AFF1: variants seen among roughly 807,000 people sequenced by gnomAD.
AFF1 encodes the protein AF4/FMR2 family member 1.
Under a neutral mutation model 121.7 loss-of-function variants are expected in AFF1, and 48 were observed. That is an observed-to-expected ratio of 0.39 (90% CI 0.31 to 0.50). The LOEUF (loss-of-function observed/expected upper bound fraction) is 0.50, where lower values mean the gene tolerates loss of function less well. Among genes scored for constraint, AFF1 ranks in the 20% least tolerant of loss-of-function variants. The pLI, the probability that AFF1 is intolerant of heterozygous loss-of-function variation, is 0.76. For synonymous variants in AFF1, 613 were observed against 563.0 expected (o/e 1.09, Z -1.26); for missense variants, 1,523 against 1,511.7 (o/e 1.01, Z -0.12).
chr4:87,022,592 A>ATATATATATATATC lies in AFF1; in HGVS notation c.39-23573_39-23572insATATATATATATCT, dbSNP rs1465084690. ...TATATATATATATATATCTATCTAT[A>ATATATATATATATC]TCTATCTGTGTGTATATATATCTGT... On this transcript the variant is annotated intron_variant, in intron 2 of 20. Transcript: ENST00000395146. Among the ~76,000 whole-genome samples, 260 of 99,798 alleles carry ATATATATATATATC rather than the reference A, an allele frequency of 2.6e-3. 7 individuals are homozygous for ATATATATATATATC. The highest frequency in any genetic ancestry group is 7.7e-3 in the African/African-American group (165 of 21,506). 65.5% of individuals were successfully genotyped at this position (99,798 alleles called of 152,430 possible).
chr4:86,989,685 C>G (rs1337830013), intron 2 of AFF1, among the ~76,000 whole-genome samples: 1 of 152,114 alleles, frequency 6.6e-6, no homozygotes, highest in Non-Finnish European at 1.5e-5. Flanking sequence ...GGTATATACC[C>G]AAAGGATTAT....
chr4:87,131,090 G>C lies in AFF1; in HGVS notation c.2972G>C (p.Arg991Thr). Residue 991 changes from arginine (R) to threonine (T), a missense_variant, in exon 17 of 21, where the codon AGG (arginine) becomes ACG (threonine). By Grantham distance (71) the Arg-to-Thr change is moderately conservative. This residue lies in a region of AFF1 where 905 missense variants were observed against 842.5 expected (regional missense o/e 1.07). Coordinates refer to ENST00000395146, the MANE Select transcript of AFF1 (RefSeq NM_001166693.3). ...CATGTTCTTCTCCTGCAGACGGACA[G>C]GGTTGGAAAGGCTTTTAAGTACCTG... is the stretch of plus-strand genomic sequence containing the variant. Reference protein sequence around the residue: ...MKQKAELMTDRVGKAFKYLEA... With the variant: ...MKQKAELMTDTVGKAFKYLEA... 1 of 1,614,104 alleles carries C rather than the reference G, an allele frequency of 6.2e-7. No individual in the cohort carries two copies. The highest frequency in any genetic ancestry group is 8.5e-7 in the Non-Finnish European group (1 of 1,180,002).
In AFF1 at chr4:87,047,220, C is replaced by A. The variant is rs1490027674; in HGVS notation, c.685C>A (p.Pro229Thr). Residue 229 changes from proline (P) to threonine (T), a missense_variant, in exon 4 of 21, where the codon CCC (proline) becomes ACC (threonine). Pro to Thr is a conservative substitution (Grantham distance 38, BLOSUM62 -1). This residue lies in a region of AFF1 where 369 missense variants were observed against 367.2 expected (regional missense o/e 1.00). Coordinates refer to ENST00000395146, the MANE Select transcript of AFF1 (RefSeq NM_001166693.3). The stretch of plus-strand genomic sequence containing the variant: ...TATACATTCCAACCAGCAAACTCTT[C>A]CCCGGACGCAAGGAAGCAGCAAGGT... ...SPIHSNQQTLPRTQGSSKVHG... is the reference protein window; with the variant it reads ...SPIHSNQQTLTRTQGSSKVHG... The A allele has an allele frequency of 2.5e-6, 4 of 1,614,046 alleles. No individual in the cohort carries two copies. The African/African-American group carries it at 4.0e-5, about 16-fold the overall frequency.
In AFF1 at chr4:87,114,736, G is replaced by C. The variant is rs750555096; in HGVS notation, c.1903G>C (p.Gly635Arg). The C allele has an allele frequency of 4.0e-5, 65 of 1,613,838 alleles. No homozygotes were observed. In the East Asian group the frequency reaches 1.1e-3, roughly 27 times the overall value. Residue 635 changes from glycine (G) to arginine (R), a missense_variant, in exon 12 of 21, where the codon GGG becomes CGG. Around this residue, in one of 5 missense-constraint regions of AFF1, gnomAD observed 905 missense variants for 842.5 expected, o/e 1.07. Coordinates refer to ENST00000395146, the MANE Select transcript of AFF1 (RefSeq NM_001166693.3). ...RTSLQGEREP[G>R]LLPYGSRDQT... ...CAGCCTGCAGGGGGAAAGGGAGCCA[G>C]GGCTTCTTCCCTATGGCTCCCGAGA...
chr4:87,135,564 TTTG>T lies in AFF1; in HGVS notation c.3536-13_3536-11del. On this transcript the variant is annotated splice_polypyrimidine_tract_variant and intron_variant, in intron 20 of 20. Transcript: ENST00000395146. ...GTGTATTTACTTGTTTTTGTTTTGT[TTTG>T]TTTTTTTTGCAGAATTCTTTGCTCG... 6.8e-7 allele frequency: 1 copy of T among 1,480,448 alleles called. No homozygotes were observed. The highest frequency in any genetic ancestry group is 9.0e-7 in the Non-Finnish European group (1 of 1,115,154). 91.7% of individuals were successfully genotyped at this position (1,480,448 alleles called of 1,614,324 possible). A position where few individuals can be genotyped will look rare whatever the true frequency, so the allele number is the denominator to read the frequency against.
At chr4:86,943,658 C>G (rs1300906943) in intron 1 of AFF1, among the ~76,000 whole-genome samples, 2 of 152,064 alleles carry the variant, frequency 1.3e-5, no homozygotes, top group African/African-American at 4.8e-5. Context: ...ACTCCTGTCT[C>G]TACAAAAAAT....
chr4:87,104,221 C>T (rs1316328874), intron 8 of AFF1, among the ~76,000 whole-genome samples: 2 of 152,086 alleles, frequency 1.3e-5, no homozygotes, highest in Non-Finnish European at 2.9e-5. Context: ...GCCTAGGCAG[C>T]ATAGTAAGAC....
In AFF1 at chr4:87,131,832, G is replaced by T. The variant is rs200524062; in HGVS notation, c.3141G>T (p.Ala1047=). The change falls in exon 18 of 21, where the codon GCG becomes GCT. Residue 1047 remains alanine, a synonymous_variant. Coordinates refer to ENST00000395146, the MANE Select transcript of AFF1 (RefSeq NM_001166693.3). The part of the protein sequence containing the change: ...MSLKSFSDAT[A]PTQEKIFAVL... Reference sequence around the variant, plus strand: ...TAAAATCCTTCTCAGATGCCACAGCGCCAACACAAGAGAAAATATTTGCTG... The same window carrying T: ...TAAAATCCTTCTCAGATGCCACAGCTCCAACACAAGAGAAAATATTTGCTG... 2.5e-6 allele frequency: 4 copies of T among 1,590,588 alleles called. No homozygotes were observed. The South Asian group carries it at 3.5e-5, about 14-fold the overall frequency.
Position 86,979,871 on chromosome 4 carries a change from C to T in AFF1, c.38+31300C>T, listed in dbSNP as rs540843405. ...GTAGCAAAATAACATTTGCATTTAC[C>T]CTTTGGTCAGCCAGGCTCACTTCTA... On this transcript the variant is annotated intron_variant, in intron 2 of 20. Coordinates refer to ENST00000395146, the MANE Select transcript of AFF1 (RefSeq NM_001166693.3). Among the ~76,000 whole-genome samples the T allele has an allele frequency of 3.1e-3, 474 of 152,206 alleles. 2 individuals carry two copies. The highest frequency in any genetic ancestry group is 5.2e-3 in the Non-Finnish European group (352 of 68,022).
intron 2 of AFF1, chr4:87,007,063 G>C: frequency 1.7e-6 from 2 of 1,201,100 alleles, no homozygotes; most frequent in Non-Finnish European, 2.1e-6. Context: ...GGCGGTCTTC[G>C]AGCGTGGGGG....
Position 87,114,608 on chromosome 4 carries a change from G to A in AFF1, c.1775G>A (p.Cys592Tyr), listed in dbSNP as rs1040253856. Residue 592 changes from cysteine (C) to tyrosine (Y), a missense_variant, in exon 12 of 21, where the codon TGT (cysteine) becomes TAT (tyrosine). By Grantham distance (194) the Cys-to-Tyr change is radical. Around this residue, in one of 5 missense-constraint regions of AFF1, gnomAD observed 905 missense variants for 842.5 expected, o/e 1.07. Coordinates refer to ENST00000395146, the MANE Select transcript of AFF1 (RefSeq NM_001166693.3). ...PEAPHPGKRS[C>Y]QKSPAQQEPP... Reference sequence around the variant, plus strand: ...GCCCCCCACCCCGGAAAGAGGAGCTGTCAGAAGTCTCCGGCACAGCAGGAG... The same window carrying A: ...GCCCCCCACCCCGGAAAGAGGAGCTATCAGAAGTCTCCGGCACAGCAGGAG... The A allele has an allele frequency of 6.2e-7, 1 of 1,603,424 alleles. No individual in the cohort carries two copies. The highest frequency in any genetic ancestry group is 1.1e-5 in the South Asian group (1 of 90,768).
chr4:87,024,366 A>C (rs1233800860), intron 2 of AFF1, among the ~76,000 whole-genome samples: 1 of 152,150 alleles, frequency 6.6e-6, no homozygotes, highest in Non-Finnish European at 1.5e-5. Flanking sequence ...GGTATGTGTA[A>C]AATTCCTCTC....
At position 87,125,114 on chromosome 4, in the gene AFF1, A is replaced by G; in HGVS notation, c.2544A>G (p.Ser848=). 3 of 1,610,614 alleles carry G rather than the reference A, an allele frequency of 1.9e-6. No homozygotes were observed. The highest frequency in any genetic ancestry group is 8.5e-7 in the Non-Finnish European group (1 of 1,178,036). Residue 848 remains serine (S), a synonymous_variant, in exon 13 of 21, where the codon TCA becomes TCG. Coordinates refer to ENST00000395146, the MANE Select transcript of AFF1 (RefSeq NM_001166693.3). ...TCAAATCACAGTCATCTTCATCTTC[A>G]TCCTCCCACAAAGAATCTTCTAAAA... is the stretch of plus-strand genomic sequence containing the variant. The part of the protein sequence containing the change: ...KEIKSQSSSS[S]SSHKESSKTK...
chr4:87,135,754 C>T lies in AFF1; in HGVS notation c.*53C>T. The T allele has an allele frequency of 6.4e-7, 1 of 1,570,496 alleles. No individual in the cohort carries two copies. Among genetic ancestry groups the T allele is most frequent in the South Asian group, 1.2e-5 (1 of 83,676 alleles). On this transcript the variant is annotated 3_prime_UTR_variant, in exon 21 of 21. Transcript: ENST00000395146. ...GGGAACTATTTTTGCACATTGGAAG[C>T]CTCAAAAACAGTCCAGACATTTGTT...
intron 4 of AFF1, among the ~76,000 whole-genome samples, chr4:87,073,317 G>A (rs965751290): frequency 1.5e-5 from 2 of 131,810 alleles, no homozygotes; most frequent in Non-Finnish European, 3.1e-5. Flanking sequence ...AAAAAAAAGC[G>A]GGGGCGGAGG....
intron 8 of AFF1, among the ~76,000 whole-genome samples, chr4:87,105,264 A>G (rs377029774): frequency 6.6e-6 from 1 of 152,170 alleles, no homozygotes; most frequent in Non-Finnish European, 1.5e-5. Flanking sequence ...TTTTGTTTGC[A>G]TGGACCCTGA....
At chr4:87,005,006 C>A (rs1211638429) in intron 2 of AFF1, among the ~76,000 whole-genome samples, 1 of 152,090 alleles carries the variant, frequency 6.6e-6, no homozygotes, top group Non-Finnish European at 1.5e-5. Context: ...TTCATCCATG[C>A]ATGATTTTGG....
At chr4:87,135,504 A>C (rs775275106) in intron 20 of AFF1, 76 bp from the exon 21 acceptor site, 17 of 1,425,240 alleles carry the variant, frequency 1.2e-5, no homozygotes, top group Non-Finnish European at 1.6e-5. Flanking sequence ...TGGAACCTTG[A>C]ATTTTTGTTT....
At chr4:87,084,466 T>C (rs1305072548) in intron 5 of AFF1, among the ~76,000 whole-genome samples, 1 of 151,752 alleles carries the variant, frequency 6.6e-6, no homozygotes, top group Non-Finnish European at 1.5e-5. Flanking sequence ...CTGAACTCGA[T>C]TGAACCCGAG....
Sources: gnomAD v4.1 joint callset for allele counts (sites outside exome capture counted in the v4.1 genomes callset) on GRCh38, gnomAD v4.1.1 for gene constraint, gnomAD v4.1.1 regional missense constraint, MANE v1.5 for transcripts, NCBI Gene and HGNC (gene_info 2026-07-23, HGNC 2026-07-21) for gene names.